CACNA1C: variants seen among roughly 807,000 people sequenced by gnomAD.
CACNA1C encodes the protein calcium voltage-gated channel subunit alpha1 C.
In CACNA1C, 30 loss-of-function variants were observed where a neutral mutation model predicts 229.0. The ratio of observed to expected loss-of-function variants is 0.13; its 90% CI spans 0.10 to 0.18. The LOEUF is 0.18. Ranked by LOEUF, CACNA1C falls within the 10% of genes least tolerant of loss-of-function variation. The probability of loss-of-function intolerance (pLI) is 1.00; values close to 1 mark genes in which losing one functional copy is unlikely to be tolerated. For missense variants in CACNA1C, 1,658 were observed against 2,845.0 expected (o/e 0.58, Z 9.49); for synonymous variants, 1,114 against 1,132.5 (o/e 0.98, Z 0.33).
chr12:2,679,815 A>AGCCT lies in CACNA1C; in HGVS notation c.5444+19_5444+20insGCCT. 6.6e-7 allele frequency: 1 copy of AGCCT among 1,507,548 alleles called. No homozygotes were observed. The highest frequency in any genetic ancestry group is 9.0e-7 in the Non-Finnish European group (1 of 1,112,184). The allele number at this position is 1,507,548 out of a possible 1,614,324, so 93.4% of individuals were successfully genotyped here. On this transcript the variant is annotated intron_variant, in intron 42 of 46. Transcript: ENST00000399655. This position sits in a 1 kb window ranked among gnomAD's most constrained non-coding sequence, Gnocchi z 5.5. ...CCAACAGGTAAGTGGGAGGCTGGCC[A>AGCCT]CCCCAGGCGGCACACAGGGCCCACG... is the stretch of plus-strand genomic sequence containing the variant.
chr12:1,975,216 T>C (rs1406111815), intron 1 of CACNA1C, among the ~76,000 whole-genome samples: 1 of 152,176 alleles, frequency 6.6e-6, no homozygotes, highest in African/African-American at 2.4e-5. Context: ...CCCTTTATGT[T>C]TAAACAGTTA....
chr12:2,214,389 A>G (rs1010180103), intron 3 of CACNA1C, among the ~76,000 whole-genome samples: 16 of 152,184 alleles, frequency 1.1e-4, no homozygotes, highest in Admixed American at 1.0e-3. Flanking sequence ...CAGGACTCCA[A>G]CCAGATACAT....
At chr12:2,083,779 G>C (rs1196822532) in intron 1 of CACNA1C, among the ~76,000 whole-genome samples, 1 of 152,168 alleles carries the variant, frequency 6.6e-6, no homozygotes, top group East Asian at 1.9e-4. Flanking sequence ...AAATACTGAT[G>C]AATGATGAGG....
chr12:2,586,198 A>G (rs1327319291), intron 18 of CACNA1C, among the ~76,000 whole-genome samples: 1 of 152,232 alleles, frequency 6.6e-6, no homozygotes, highest in African/African-American at 2.4e-5. Flanking sequence ...ATGTTGTAAA[A>G]TCATCATTAA....
At chr12:2,162,441 A>G (rs937559069) in intron 3 of CACNA1C, among the ~76,000 whole-genome samples, 1 of 152,000 alleles carries the variant, frequency 6.6e-6, no homozygotes, top group African/African-American at 2.4e-5. Context: ...AATAGCAAGC[A>G]AAGTTCAGAG....
At chr12:2,657,452 A>G (rs1384582898) in intron 34 of CACNA1C, among the ~76,000 whole-genome samples, 3 of 152,182 alleles carry the variant, frequency 2.0e-5, no homozygotes, top group Non-Finnish European at 4.4e-5. Context: ...ATATATGTTA[A>G]AGATTTAAAG....
chr12:2,555,298 A>G (rs1489703317), intron 10 of CACNA1C, among the ~76,000 whole-genome samples: 1 of 152,248 alleles, frequency 6.6e-6, no homozygotes, highest in Non-Finnish European at 1.5e-5. Flanking sequence ...CCTCATGGCA[A>G]AGGGCCGGTG....
chr12:2,279,474 A>G (rs2090229630), intron 3 of CACNA1C, among the ~76,000 whole-genome samples: 1 of 152,222 alleles, frequency 6.6e-6, no homozygotes, highest in African/African-American at 2.4e-5. Context: ...TGTTTGCTTC[A>G]TGTATTTATT....
At chr12:2,303,294 G>A (rs1201951714) in intron 3 of CACNA1C, among the ~76,000 whole-genome samples, 3 of 152,180 alleles carry the variant, frequency 2.0e-5, no homozygotes, top group African/African-American at 7.2e-5. Context: ...CGGGAGGCTG[G>A]AGGCTGGAGA....
At chr12:2,317,110 A>T (rs1292314772) in intron 3 of CACNA1C, among the ~76,000 whole-genome samples, 1 of 152,222 alleles carries the variant, frequency 6.6e-6, no homozygotes, top group Non-Finnish European at 1.5e-5. Flanking sequence ...GTGTTTCCTT[A>T]AAAAATTACA....
intron 1 of CACNA1C, among the ~76,000 whole-genome samples, chr12:1,981,041 T>G (rs1438364215): frequency 3.3e-5 from 5 of 152,220 alleles, no homozygotes; most frequent in Non-Finnish European, 7.3e-5. Flanking sequence ...TAGATAAAAC[T>G]AACATTTTCC....
chr12:2,040,658 A>G (rs2429148), intron 1 of CACNA1C, among the ~76,000 whole-genome samples: 81,653 of 152,068 alleles, frequency 0.54, 24,193 homozygotes, highest in African/African-American at 0.78. Context: ...GGAATAAAAG[A>G]CAAAAAGAAA....
In CACNA1C at chr12:2,502,288, C is replaced by A. The variant is rs533360792; in HGVS notation, c.1114-2554C>A. Among the ~76,000 whole-genome samples, 14 of 152,360 alleles carry A rather than the reference C, an allele frequency of 9.2e-5. No individual in the cohort carries two copies. The East Asian group carries it at 2.7e-3, about 29-fold the overall frequency. ...CACTCAAAGAGCGTTAGCTGAGGAC[C>A]TACTATGTGCGAGGCATCGTTGTAG... On this transcript the variant is annotated intron_variant, in intron 7 of 46. Coordinates refer to ENST00000399655, the MANE Select transcript of CACNA1C (RefSeq NM_000719.7).
intron 3 of CACNA1C, among the ~76,000 whole-genome samples, chr12:2,312,297 A>G (rs1022086466): frequency 4.9e-4 from 74 of 152,306 alleles, no homozygotes; most frequent in African/African-American, 1.7e-3. Context: ...CAAAGGAGAA[A>G]GACTTCAGTA....
At position 2,285,270 on chromosome 12, in the gene CACNA1C, A is replaced by G. The variant is rs1346853165; in HGVS notation, c.478-163706A>G. 1.3e-5 allele frequency among the ~76,000 whole-genome samples: 2 copies of G among 152,212 alleles called. No homozygotes were observed. Among genetic ancestry groups the G allele is most frequent in the African/African-American group, 4.8e-5 (2 of 41,442 alleles). ...CCCTTTACACTGGGCATTCAATGTC[A>G]TCACATTGATAACTTGAAATGGGCA... On this transcript the variant is annotated intron_variant, in intron 3 of 46. Transcript: ENST00000399655. The surrounding 1 kb of genome is among the most constrained non-coding windows in gnomAD (Gnocchi z 4.2).
intron 9 of CACNA1C, 39 bp downstream of exon 9, chr12:2,513,023 G>C: frequency 6.5e-7 from 1 of 1,535,534 alleles, no homozygotes; most frequent in Non-Finnish European, 8.8e-7. Flanking sequence ...GCTGGGTTCT[G>C]GGGGAGAGGA....
At position 2,585,535 on chromosome 12, in the gene CACNA1C, G is replaced by A. The variant is rs1302689710; in HGVS notation, c.2460+39G>A. 2 of 1,516,634 alleles carry A rather than the reference G, an allele frequency of 1.3e-6. No homozygotes were observed. The highest frequency in any genetic ancestry group is 2.6e-5 in the South Asian group (2 of 77,206). The allele number at this position is 1,516,634 out of a possible 1,614,324, so 93.9% of individuals were successfully genotyped here. Reference sequence around the variant, plus strand: ...TCCTTCCTGGAGCTGTGAGGCCGGTGCTGGGGAGGGAGGGCCACAGCCTTC... The same window carrying A: ...TCCTTCCTGGAGCTGTGAGGCCGGTACTGGGGAGGGAGGGCCACAGCCTTC... On this transcript the variant is annotated intron_variant, in intron 17 of 46. Coordinates refer to ENST00000399655, the MANE Select transcript of CACNA1C (RefSeq NM_000719.7). This position sits in a 1 kb window ranked among gnomAD's most constrained non-coding sequence, Gnocchi z 4.1.
chr12:2,021,183 C>T (rs1306103434), intron 1 of CACNA1C, among the ~76,000 whole-genome samples: 1 of 152,138 alleles, frequency 6.6e-6, no homozygotes, highest in African/African-American at 2.4e-5. Flanking sequence ...AATAGCTTTG[C>T]ATAGATCATT....
rs151135843 is a variant in CACNA1C at position 2,395,924 on chromosome 12, G to C, written c.478-53052G>C. Among the ~76,000 whole-genome samples, 650 of 152,266 alleles carry C rather than the reference G, an allele frequency of 4.3e-3. 4 individuals carry two copies. The highest frequency in any genetic ancestry group is 0.014 in the Middle Eastern group (4 of 294). On this transcript the variant is annotated intron_variant, in intron 3 of 46. Coordinates refer to ENST00000399655, the MANE Select transcript of CACNA1C (RefSeq NM_000719.7). ...CATCTTATTTAATCTTTACAAGCCA[G>C]GATCCGGTACTAGGGTCCCCAGTGT...
Sources: allele counts gnomAD v4.1 joint callset (sites outside exome capture counted in the v4.1 genomes callset), GRCh38; gene constraint gnomAD v4.1.1; non-coding constraint Gnocchi (gnomAD v3.1); transcripts MANE v1.5; gene names NCBI Gene and HGNC (gene_info 2026-07-23, HGNC 2026-07-21).